LSAMP: variants seen among roughly 807,000 people sequenced by gnomAD.
LSAMP encodes the protein limbic system-associated membrane protein.
In LSAMP, 7 loss-of-function variants were observed where a neutral mutation model predicts 38.6. That is an observed-to-expected ratio of 0.18 (90% CI 0.10 to 0.34). LSAMP has a LOEUF of 0.34. Among genes scored for constraint, LSAMP ranks in the 10% least tolerant of loss-of-function variants. The pLI is 1.00. For missense variants in LSAMP, 313 were observed against 420.0 expected (o/e 0.75, Z 2.23); for synonymous variants, 154 against 166.8 (o/e 0.92, Z 0.59).
At chr3:116,299,381 A>G (rs2047377050) in intron 1 of LSAMP, among the ~76,000 whole-genome samples, 1 of 152,244 alleles carries the variant, frequency 6.6e-6, no homozygotes, top group East Asian at 1.9e-4. Flanking sequence ...CTGTCAAAAG[A>G]TTCTGCAGAA....
chr3:116,221,025 C>T lies in LSAMP; in HGVS notation c.156-134469G>A, dbSNP rs920734326. ...AAAATTAGCCCGGCGTGGTGGCGGGCGCCTGTAGTCCCAGCTACTTGCGAG... is the reference window on the plus strand; with the variant it reads ...AAAATTAGCCCGGCGTGGTGGCGGGTGCCTGTAGTCCCAGCTACTTGCGAG... On this transcript the variant is annotated intron_variant, in intron 1 of 6. Coordinates refer to ENST00000490035, the MANE Select transcript of LSAMP (RefSeq NM_002338.5). 3.3e-4 allele frequency among the ~76,000 whole-genome samples: 50 copies of T among 151,666 alleles called. 1 individual carries two copies. Among genetic ancestry groups the T allele is most frequent in the African/African-American group, 1.2e-3 (48 of 41,382 alleles).
intron 1 of LSAMP, among the ~76,000 whole-genome samples, chr3:116,273,807 C>CTT (rs2047011176): frequency 7.1e-6 from 1 of 141,158 alleles, no homozygotes; most frequent in Non-Finnish European, 1.5e-5. Context: ...TTCTCTTTTT[C>CTT]TTTCTTTCTC....
intron 3 of LSAMP, among the ~76,000 whole-genome samples, chr3:115,857,563 T>G (rs1935547044): frequency 6.6e-6 from 1 of 152,230 alleles, no homozygotes; most frequent in Non-Finnish European, 1.5e-5. Flanking sequence ...TTTTGGTATT[T>G]TAAACATCTC....
At chr3:116,211,925 G>T (rs749174146) in intron 1 of LSAMP, among the ~76,000 whole-genome samples, 14 of 152,170 alleles carry the variant, frequency 9.2e-5, no homozygotes, top group Non-Finnish European at 2.1e-4. Context: ...TGGTTCCATG[G>T]GTTAGTTCCA....
chr3:115,810,253 C>T lies in LSAMP; in HGVS notation c.*64G>A. On this transcript the variant is annotated 3_prime_UTR_variant, in exon 7 of 7. Transcript: ENST00000490035. ...TCTCTCTCTCTCTCTCTGTCTCTCT[C>T]TCTCTGTATTCTGTGTGACGCATTT... The T allele has an allele frequency of 1.7e-6, 2 of 1,143,724 alleles. No homozygotes were observed. The highest frequency in any genetic ancestry group is 1.5e-5 in the African/African-American group (1 of 64,532). 70.8% of individuals were successfully genotyped at this position (1,143,724 alleles called of 1,614,324 possible).
intron 3 of LSAMP, among the ~76,000 whole-genome samples, chr3:115,956,652 C>G (rs1368041322): frequency 6.6e-6 from 1 of 152,022 alleles, no homozygotes; most frequent in Non-Finnish European, 1.5e-5. Context: ...AGGTTTATGT[C>G]AGTTTATTTT....
intron 1 of LSAMP, among the ~76,000 whole-genome samples, chr3:116,094,866 G>A (rs1458908678): frequency 1.3e-5 from 2 of 152,156 alleles, no homozygotes; most frequent in African/African-American, 2.4e-5. Context: ...AACGATACCT[G>A]TTCAACCTCT....
At chr3:116,170,617 C>T (rs895888045) in intron 1 of LSAMP, among the ~76,000 whole-genome samples, 7 of 152,010 alleles carry the variant, frequency 4.6e-5, no homozygotes, top group Admixed American at 6.6e-5. Flanking sequence ...TTTTCTAACC[C>T]TCAGTCTGGA....
rs576540889 is a variant in LSAMP at position 116,276,383 on chromosome 3, T to C, written c.155+168494A>G. Among the ~76,000 whole-genome samples, 5 of 152,288 alleles carry C rather than the reference T, an allele frequency of 3.3e-5. No individual in the cohort carries two copies. The East Asian group carries it at 9.6e-4, about 29-fold the overall frequency. On this transcript the variant is annotated intron_variant, in intron 1 of 6. Coordinates refer to ENST00000490035, the MANE Select transcript of LSAMP (RefSeq NM_002338.5). Reference sequence around the variant, plus strand: ...AGTTTAAGCTGGAAATAAATATAGTTCAAAAATTTAGAAATTTCATAAATA... The same window carrying C: ...AGTTTAAGCTGGAAATAAATATAGTCCAAAAATTTAGAAATTTCATAAATA...
intron 1 of LSAMP, among the ~76,000 whole-genome samples, chr3:116,105,568 T>A (rs1481719801): frequency 6.6e-6 from 1 of 151,870 alleles, no homozygotes; most frequent in Non-Finnish European, 1.5e-5. Flanking sequence ...GGTCACAAGG[T>A]GCTCAGTGGG....
chr3:116,203,460 A>T (rs1353438354), intron 1 of LSAMP, among the ~76,000 whole-genome samples: 2 of 151,990 alleles, frequency 1.3e-5, no homozygotes, highest in African/African-American at 2.4e-5. Context: ...CAGGTTAGTT[A>T]CATATGTATA....
intron 6 of LSAMP, among the ~76,000 whole-genome samples, chr3:115,822,448 T>C (rs1182968064): frequency 6.8e-6 from 1 of 147,808 alleles, no homozygotes; most frequent in Admixed American, 6.8e-5. Context: ...ACAACCTCCA[T>C]CTCCCAAGTT....
At chr3:115,993,692 G>A (rs1179064246) in intron 3 of LSAMP, among the ~76,000 whole-genome samples, 1 of 151,928 alleles carries the variant, frequency 6.6e-6, no homozygotes, top group African/African-American at 2.4e-5. Flanking sequence ...ATCTGCAATA[G>A]TGGCTTTTTA....
chr3:116,442,854 C>CCATAGACAT (rs1428895014), intron 1 of LSAMP, among the ~76,000 whole-genome samples: 1 of 152,076 alleles, frequency 6.6e-6, no homozygotes, highest in Admixed American at 6.6e-5. Context: ...TTCTATTGCG[C>CCATAGACAT]CATAGACATA....
At chr3:115,861,958 C>T (rs1157920481) in intron 3 of LSAMP, among the ~76,000 whole-genome samples, 4 of 151,986 alleles carry the variant, frequency 2.6e-5, no homozygotes, top group East Asian at 1.9e-4. Context: ...ACCTCGGGTG[C>T]GGGGAAGAAG....
At chr3:116,328,154 G>T (rs1259302566) in intron 1 of LSAMP, among the ~76,000 whole-genome samples, 1 of 152,132 alleles carries the variant, frequency 6.6e-6, no homozygotes, top group Non-Finnish European at 1.5e-5. Context: ...AATCCATCAT[G>T]CAAGGAAAGT....
At chr3:115,962,333 A>G (rs1329014945) in intron 3 of LSAMP, among the ~76,000 whole-genome samples, 1 of 152,188 alleles carries the variant, frequency 6.6e-6, no homozygotes, top group African/African-American at 2.4e-5. Context: ...AATGAGTATG[A>G]TAGTACTTTA....
At chr3:116,050,503 C>T (rs1371199217) in intron 2 of LSAMP, among the ~76,000 whole-genome samples, 1 of 151,008 alleles carries the variant, frequency 6.6e-6, no homozygotes, top group African/African-American at 2.4e-5. Context: ...TATTCTGAAG[C>T]CTGAATATGG....
At chr3:116,008,018 C>G (rs886744634) in intron 3 of LSAMP, among the ~76,000 whole-genome samples, 1 of 152,126 alleles carries the variant, frequency 6.6e-6, no homozygotes, top group Non-Finnish European at 1.5e-5. Flanking sequence ...TCCAGAAACT[C>G]TGGTTTTATT....
Sources: allele counts gnomAD v4.1 joint callset (sites outside exome capture counted in the v4.1 genomes callset), GRCh38; gene constraint gnomAD v4.1.1; transcripts MANE v1.5; gene names NCBI Gene and HGNC (gene_info 2026-07-23, HGNC 2026-07-21).